The following SDK2 variants were observed in gnomAD, a reference collection of about 807,000 sequenced individuals.
SDK2 encodes the protein protein sidekick-2.
In SDK2, 105 loss-of-function variants were observed where a neutral mutation model predicts 253.9. That is an observed-to-expected ratio of 0.41 (90% CI 0.35 to 0.49). SDK2 has a LOEUF of 0.49. SDK2 is among the 20% of genes least tolerant of loss of function. The pLI is 0.06. For missense variants in SDK2, 2,608 were observed against 3,003.0 expected (o/e 0.87, Z 3.07); for synonymous variants, 1,249 against 1,234.9 (o/e 1.01, Z -0.24).
intron 4 of SDK2, among the ~76,000 whole-genome samples, chr17:73,454,596 A>T (rs2063509900): frequency 6.6e-6 from 1 of 152,178 alleles, no homozygotes; most frequent in South Asian, 2.1e-4. Context: ...TTCCTCACAG[A>T]GTGTGGCTGT....
intron 2 of SDK2, among the ~76,000 whole-genome samples, chr17:73,486,885 T>C (rs2063772789): frequency 6.6e-6 from 1 of 152,146 alleles, no homozygotes; most frequent in Admixed American, 6.6e-5. Flanking sequence ...GTAACCTGAC[T>C]GGGAAACTGT....
intron 29 of SDK2, among the ~76,000 whole-genome samples, chr17:73,389,074 A>T (rs564419761): frequency 6.9e-6 from 1 of 144,978 alleles, no homozygotes; most frequent in African/African-American, 2.6e-5. Flanking sequence ...TGGCACGATC[A>T]TAGCTCACTA....
At position 73,358,348 on chromosome 17, in the gene SDK2, T is replaced by C. The variant is rs190289461; in HGVS notation, c.5468-144A>G. ...AGGAAGCCCTGCAAATGTCGCGGCC[T>C]GAGAGTACATCTCAGGCTGGGCCTG... On this transcript the variant is annotated intron_variant, in intron 39 of 44. Transcript: ENST00000392650. The C allele has an allele frequency of 2.6e-4, 278 of 1,055,310 alleles. 1 individual carries two copies. Among genetic ancestry groups the C allele is most frequent in the African/African-American group, 2.2e-3 (136 of 61,984 alleles). 65.4% of individuals were successfully genotyped at this position (1,055,310 alleles called of 1,614,324 possible). A position where few individuals can be genotyped will look rare whatever the true frequency, so the allele number is the denominator to read the frequency against.
intron 1 of SDK2, among the ~76,000 whole-genome samples, chr17:73,549,358 C>T (rs1041385448): frequency 1.3e-5 from 2 of 152,180 alleles, no homozygotes; most frequent in Non-Finnish European, 2.9e-5. Context: ...CAAAGCTCTG[C>T]AGGTACTCTT....
At chr17:73,567,256 G>T (rs1599685081) in intron 1 of SDK2, among the ~76,000 whole-genome samples, 1 of 152,254 alleles carries the variant, frequency 6.6e-6, no homozygotes, top group Admixed American at 6.5e-5. Flanking sequence ...ACTTCAGAGG[G>T]CATACGCCAT....
chr17:73,444,625 G>A (rs1171102031), intron 5 of SDK2, among the ~76,000 whole-genome samples: 1 of 152,144 alleles, frequency 6.6e-6, no homozygotes, highest in Non-Finnish European at 1.5e-5. Context: ...TTTGCCATAG[G>A]CACCAATTTA....
At chr17:73,583,162 T>C (rs1476509205) in intron 1 of SDK2, among the ~76,000 whole-genome samples, 1 of 152,270 alleles carries the variant, frequency 6.6e-6, no homozygotes, top group East Asian at 1.9e-4. Context: ...CCTTGCCTTA[T>C]GGGACCAATC....
Position 73,528,034 on chromosome 17 carries a change from C to T in SDK2, c.65-20437G>A, listed in dbSNP as rs144949049. Among the ~76,000 whole-genome samples, 1,309 of 152,074 alleles carry T rather than the reference C, an allele frequency of 8.6e-3. 12 individuals are homozygous for T. The highest frequency in any genetic ancestry group is 0.024 in the Middle Eastern group (7 of 294). ...AGCGTCAGCAGTGAGGGCGAGGTGA[C>T]CGAGATGGAAACACCGCAGCTGGTT... is the stretch of plus-strand genomic sequence containing the variant. On this transcript the variant is annotated intron_variant, in intron 1 of 44. Coordinates refer to ENST00000392650, the MANE Select transcript of SDK2 (RefSeq NM_001144952.2).
chr17:73,484,893 A>C (rs559335817), intron 2 of SDK2, among the ~76,000 whole-genome samples: 1 of 152,074 alleles, frequency 6.6e-6, no homozygotes, highest in Non-Finnish European at 1.5e-5. Flanking sequence ...GGCTCAAATG[A>C]TCCTCTTTCT....
intron 37 of SDK2, among the ~76,000 whole-genome samples, chr17:73,366,240 G>T (rs569824896): frequency 1.6e-4 from 25 of 152,328 alleles, no homozygotes; most frequent in African/African-American, 6.0e-4. Flanking sequence ...GTGCTACAGG[G>T]ACGTGGGACA....
Position 73,541,038 on chromosome 17 carries a change from A to G in SDK2, c.65-33441T>C, listed in dbSNP as rs1336282486. On this transcript the variant is annotated intron_variant, in intron 1 of 44. Coordinates refer to ENST00000392650, the MANE Select transcript of SDK2 (RefSeq NM_001144952.2). This position sits in a 1 kb window ranked among gnomAD's most constrained non-coding sequence, Gnocchi z 4.3. ...ATGTGGTCTCGGCCATCAAGCTGCC[A>G]ATGGTAAGCTGCTAGGCCCCCTGAG... Among the ~76,000 whole-genome samples, 1 of 152,202 alleles carries G rather than the reference A, an allele frequency of 6.6e-6. No individual in the cohort carries two copies. Among genetic ancestry groups the G allele is most frequent in the Admixed American group, 6.5e-5 (1 of 15,280 alleles).
intron 3 of SDK2, among the ~76,000 whole-genome samples, chr17:73,469,992 G>GTGCGCGCGCA (rs1555585113): frequency 7.9e-6 from 1 of 126,184 alleles, no homozygotes; most frequent in Non-Finnish European, 1.6e-5. Flanking sequence ...GCGCGCGCGC[G>GTGCGCGCGCA]CACACACACA....
At chr17:73,488,643 A>G (rs1156896360) in intron 2 of SDK2, among the ~76,000 whole-genome samples, 1 of 151,524 alleles carries the variant, frequency 6.6e-6, no homozygotes, top group Non-Finnish European at 1.5e-5. Flanking sequence ...ACCACTTAAC[A>G]GTAACTTATA....
At chr17:73,403,045 C>T (rs148274071) in intron 18 of SDK2, among the ~76,000 whole-genome samples, 3,985 of 152,214 alleles carry the variant, frequency 0.026, 80 homozygotes, top group Middle Eastern at 0.071. Context: ...GTGATCCGCC[C>T]GCCTCGGCCT....
intron 44 of SDK2, among the ~76,000 whole-genome samples, chr17:73,340,011 C>T (rs1230203212): frequency 6.6e-6 from 1 of 152,104 alleles, no homozygotes; most frequent in Non-Finnish European, 1.5e-5. Context: ...GTTGAAATTA[C>T]AGGCACCTGC....
At chr17:73,515,107 C>G (rs948101276) in intron 1 of SDK2, among the ~76,000 whole-genome samples, 2 of 152,190 alleles carry the variant, frequency 1.3e-5, no homozygotes, top group African/African-American at 2.4e-5. Flanking sequence ...GAGTTCATCT[C>G]AAGGAAACCA....
chr17:73,524,640 C>T (rs2064111147), intron 1 of SDK2, among the ~76,000 whole-genome samples: 1 of 152,244 alleles, frequency 6.6e-6, no homozygotes, highest in Non-Finnish European at 1.5e-5. Flanking sequence ...GAGGGCCAGG[C>T]ACCTCTGTGC....
At chr17:73,349,089 G>C (rs1339763352) in intron 43 of SDK2, among the ~76,000 whole-genome samples, 3 of 152,198 alleles carry the variant, frequency 2.0e-5, no homozygotes, top group African/African-American at 7.2e-5. Flanking sequence ...TGTGCACTGT[G>C]GGTAGGAGAG....
Position 73,616,491 on chromosome 17 carries a change from A to G in SDK2, c.64+27534T>C, listed in dbSNP as rs1202147115. On this transcript the variant is annotated intron_variant, in intron 1 of 44. Coordinates refer to ENST00000392650, the MANE Select transcript of SDK2 (RefSeq NM_001144952.2). The surrounding 1 kb of genome is among the most constrained non-coding windows in gnomAD (Gnocchi z 5.2). ...TCGCAATGCTTAGGCCTGAGCACGC[A>G]TTTGTCTTTGTTTGGTTTGTTGCTT... Among the ~76,000 whole-genome samples, 1 of 152,018 alleles carries G rather than the reference A, an allele frequency of 6.6e-6. No individual in the cohort carries two copies. The highest frequency in any genetic ancestry group is 6.5e-5 in the Admixed American group (1 of 15,274).
Sources: allele counts gnomAD v4.1 joint callset (sites outside exome capture counted in the v4.1 genomes callset), GRCh38; gene constraint gnomAD v4.1.1; non-coding constraint Gnocchi (gnomAD v3.1); transcripts MANE v1.5; gene names NCBI Gene and HGNC (gene_info 2026-07-23, HGNC 2026-07-21).